Variants in ASAP1 observed in about 807,000 individuals in gnomAD.
ASAP1 encodes the protein arf-GAP with SH3 domain, ANK repeat and PH domain-containing protein 1.
A neutral mutation model predicts 145.2 loss-of-function variants in ASAP1; 43 were observed. The ratio of observed to expected loss-of-function variants is 0.30; its 90% confidence interval spans 0.23 to 0.38. The LOEUF is 0.38. Among genes scored for constraint, ASAP1 ranks in the 10% least tolerant of loss-of-function variants. The probability of loss-of-function intolerance (pLI) is 1.00; values close to 1 mark genes in which losing one functional copy is unlikely to be tolerated. For missense variants in ASAP1, 1,018 were observed against 1,355.3 expected, an observed-to-expected ratio of 0.75 and a Z score of 3.91; for synonymous variants, 546 against 515.5, an observed-to-expected ratio of 1.06 and a Z score of -0.80.
intron 3 of ASAP1, among the ~76,000 whole-genome samples, chr8:130,276,728 A>ACACACACACACACTCTCTCTCT (rs548512902): frequency 3.0e-4 from 26 of 87,306 alleles, no homozygotes; most frequent in East Asian, 1.5e-3. Context: ...ACACACACAC[A>ACACACACACACACTCTCTCTCT]CTCTCTCTCT....
intron 1 of ASAP1, among the ~76,000 whole-genome samples, chr8:130,417,050 C>T (rs1222862481): frequency 6.6e-6 from 1 of 152,080 alleles, no homozygotes; most frequent in Admixed American, 6.6e-5. Context: ...CCATGTACAA[C>T]TGCATACACA....
In ASAP1 at chr8:130,135,065, G is replaced by A. The variant is rs1019843494; in HGVS notation, c.1169-721C>T. 3.3e-5 allele frequency among the ~76,000 whole-genome samples: 5 copies of A among 152,306 alleles called. No individual in the cohort carries two copies. In the South Asian group the frequency reaches 1.0e-3, roughly 32 times the overall value. On this transcript the variant is annotated intron_variant, in intron 14 of 29. Transcript: ENST00000518721. The stretch of plus-strand genomic sequence containing the variant: ...CTAACTTGGATACTTTGGGCTGGAT[G>A]TACATGAGGGAAGCTCTTTCTCAAT...
intron 3 of ASAP1, among the ~76,000 whole-genome samples, chr8:130,352,158 T>C (rs748544451): frequency 2.7e-4 from 41 of 152,166 alleles, no homozygotes; most frequent in Non-Finnish European, 5.1e-4. Flanking sequence ...AAACATACTT[T>C]CTCTACATTA....
chr8:130,276,728 A>ACACACTCTCTCT (rs548512902), intron 3 of ASAP1, among the ~76,000 whole-genome samples: 1,107 of 87,258 alleles, frequency 0.013, 13 homozygotes, highest in Non-Finnish European at 0.018. Flanking sequence ...ACACACACAC[A>ACACACTCTCTCT]CTCTCTCTCT....
intron 11 of ASAP1, 67 bp from the exon 12 acceptor site, chr8:130,160,031 G>T: frequency 2.2e-6 from 3 of 1,366,452 alleles, no homozygotes; most frequent in South Asian, 1.2e-5. Flanking sequence ...ATTCTATTCT[G>T]CCATTGAGCC....
At chr8:130,433,790 A>G (rs2138798114) in intron 1 of ASAP1, among the ~76,000 whole-genome samples, 1 of 152,320 alleles carries the variant, frequency 6.6e-6, no homozygotes, top group East Asian at 1.9e-4. Context: ...TCGCTTAGCC[A>G]CTTTCCTTAT....
chr8:130,101,691 A>G (rs1351202448), intron 24 of ASAP1, among the ~76,000 whole-genome samples: 1 of 144,420 alleles, frequency 6.9e-6, no homozygotes, highest in African/African-American at 2.6e-5. Flanking sequence ...CAGCCTCCCT[A>G]CTAGCTGGGG....
At chr8:130,148,359 G>GA (rs763258454) in intron 13 of ASAP1, among the ~76,000 whole-genome samples, 1 of 152,224 alleles carries the variant, frequency 6.6e-6, no homozygotes, top group South Asian at 2.1e-4. Flanking sequence ...AGTCTCATTA[G>GA]AAAAGTATTC....
intron 9 of ASAP1, among the ~76,000 whole-genome samples, chr8:130,172,873 T>G (rs1464212003): frequency 6.6e-6 from 1 of 152,220 alleles, no homozygotes; most frequent in African/African-American, 2.4e-5. Context: ...TTTACTTTCC[T>G]TCTGCTTCAA....
At chr8:130,260,910 T>C (rs1819856737) in intron 3 of ASAP1, among the ~76,000 whole-genome samples, 1 of 152,176 alleles carries the variant, frequency 6.6e-6, no homozygotes, top group Admixed American at 6.6e-5. Context: ...AAAACCAAAT[T>C]TGCTTTTCCC....
intron 7 of ASAP1, among the ~76,000 whole-genome samples, chr8:130,185,254 A>G (rs1197897777): frequency 1.3e-5 from 2 of 152,200 alleles, no homozygotes; most frequent in Non-Finnish European, 1.5e-5. Flanking sequence ...TAAGGTCTTA[A>G]ATTCAGGAGG....
intron 3 of ASAP1, among the ~76,000 whole-genome samples, chr8:130,243,180 G>C (rs1054132737): frequency 6.6e-6 from 1 of 152,118 alleles, no homozygotes; most frequent in African/African-American, 2.4e-5. Flanking sequence ...GGGAAGCCTG[G>C]TAAGGCTTCT....
chr8:130,402,195 A>C (rs1828827752), intron 1 of ASAP1, among the ~76,000 whole-genome samples: 1 of 152,228 alleles, frequency 6.6e-6, no homozygotes, highest in Non-Finnish European at 1.5e-5. Context: ...GTAAGTGCTC[A>C]GGAATCCTTC....
At chr8:130,277,856 G>A (rs79345439) in intron 3 of ASAP1, among the ~76,000 whole-genome samples, 2,503 of 152,272 alleles carry the variant, frequency 0.016, 72 homozygotes, top group African/African-American at 0.056. Context: ...TCACATGGAC[G>A]TAGCAGGACA....
intron 2 of ASAP1, among the ~76,000 whole-genome samples, chr8:130,385,583 G>A (rs542417787): frequency 9.3e-4 from 141 of 152,304 alleles, no homozygotes; most frequent in Non-Finnish European, 1.6e-3. Context: ...TTACCAGGTG[G>A]GTAGGAATCT....
At chr8:130,186,462 T>C (rs140179244) in intron 7 of ASAP1, among the ~76,000 whole-genome samples, 1 of 152,318 alleles carries the variant, frequency 6.6e-6, no homozygotes, top group Non-Finnish European at 1.5e-5. Flanking sequence ...TAAAAATACA[T>C]ATCTCCTCCC....
chr8:130,274,953 C>T (rs1820793483), intron 3 of ASAP1, among the ~76,000 whole-genome samples: 1 of 152,188 alleles, frequency 6.6e-6, no homozygotes, highest in South Asian at 2.1e-4. Flanking sequence ...GAACAGAAAC[C>T]ATTTAGTGAG....
In ASAP1 at chr8:130,107,995, C is replaced by T. The variant is rs559719313; in HGVS notation, c.2401+4099G>A. Among the ~76,000 whole-genome samples, 4 of 152,334 alleles carry T rather than the reference C, an allele frequency of 2.6e-5. No individual in the cohort carries two copies. The South Asian group carries it at 8.3e-4, about 32-fold the overall frequency. On this transcript the variant is annotated intron_variant, in intron 24 of 29. Coordinates refer to ENST00000518721, the MANE Select transcript of ASAP1 (RefSeq NM_018482.4). ...CTGATCTGCCTTAGTTTGTTACTCT[C>T]AAACTACTGCATATACTTTGATTAA... is the stretch of plus-strand genomic sequence containing the variant.
chr8:130,358,812 C>T lies in ASAP1; in HGVS notation c.60-669G>A, dbSNP rs1296600851. On this transcript the variant is annotated intron_variant, in intron 2 of 29. Coordinates refer to ENST00000518721, the MANE Select transcript of ASAP1 (RefSeq NM_018482.4). The surrounding 1 kb of genome is among the most constrained non-coding windows in gnomAD (Gnocchi z 4.1). The stretch of plus-strand genomic sequence containing the variant: ...GGCTCCGAAGCTGCCGCTCCCGACC[C>T]CGGCTGCGCGGCACGGGGGCTCCGG... 2.0e-5 allele frequency among the ~76,000 whole-genome samples: 3 copies of T among 150,960 alleles called. No individual in the cohort carries two copies. The highest frequency in any genetic ancestry group is 7.3e-5 in the African/African-American group (3 of 41,152).
Sources: gnomAD v4.1 joint callset for allele counts (sites outside exome capture counted in the v4.1 genomes callset) on GRCh38, gnomAD v4.1.1 for gene constraint, Gnocchi (gnomAD v3.1) non-coding constraint, MANE v1.5 for transcripts, NCBI Gene and HGNC (gene_info 2026-07-23, HGNC 2026-07-21) for gene names.